SRGAP3: variants seen among roughly 807,000 people sequenced by gnomAD.
SRGAP3 encodes the protein SLIT-ROBO Rho GTPase-activating protein 3.
In SRGAP3, 39 loss-of-function variants were observed where a neutral mutation model predicts 121.1. The ratio of observed to expected loss-of-function variants is 0.32; its 90% CI spans 0.25 to 0.42. The LOEUF is 0.42. Among genes scored for constraint, SRGAP3 ranks in the 10% least tolerant of loss-of-function variants. The pLI, the probability that SRGAP3 is intolerant of heterozygous loss-of-function variation, is 1.00. For missense variants in SRGAP3, 1,213 were observed against 1,470.6 expected, an observed-to-expected ratio of 0.82 and a Z score of 2.86; for synonymous variants, 601 against 570.0, an observed-to-expected ratio of 1.05 and a Z score of -0.77.
intron 3 of SRGAP3, among the ~76,000 whole-genome samples, chr3:9,261,605 T>C (rs1178269329): frequency 6.6e-6 from 1 of 151,462 alleles, no homozygotes; most frequent in African/African-American, 2.4e-5. Context: ...ATATCAGACA[T>C]TGAAGATGAA....
rs537444251 is a variant in SRGAP3 at position 9,213,732 on chromosome 3, G to T, written c.67+35153C>A. On this transcript the variant is annotated intron_variant, in intron 1 of 21. Coordinates refer to ENST00000383836, the MANE Select transcript of SRGAP3 (RefSeq NM_014850.4). Reference sequence around the variant, plus strand: ...TAACAGGGCCCACAAGGCCCTCCATGACCATGATCTGGCCAACCTCTCCCA... The same window carrying T: ...TAACAGGGCCCACAAGGCCCTCCATTACCATGATCTGGCCAACCTCTCCCA... 9.1e-4 allele frequency among the ~76,000 whole-genome samples: 139 copies of T among 152,324 alleles called. 2 individuals carry two copies. Among genetic ancestry groups the T allele is most frequent in the Non-Finnish European group, 4.4e-5 (3 of 68,022 alleles).
rs942650159 is a variant in SRGAP3 at position 8,985,371 on chromosome 3, C to A, written c.*148G>T. ...CTGGACGTGAGCTGCAGCCAGCGCC[C>A]GGGCCTCAGCTCTGCACAGACACAC... On this transcript the variant is annotated 3_prime_UTR_variant, in exon 22 of 22. Transcript: ENST00000383836. This position sits in a 1 kb window ranked among gnomAD's most constrained non-coding sequence, Gnocchi z 5.1. The A allele has an allele frequency of 3.5e-6, 5 of 1,426,190 alleles. No individual in the cohort carries two copies. The highest frequency in any genetic ancestry group is 4.6e-6 in the Non-Finnish European group (5 of 1,091,754). 88.3% of individuals were successfully genotyped at this position (1,426,190 alleles called of 1,614,324 possible). A position where few individuals can be genotyped will look rare whatever the true frequency, so the allele number is the denominator to read the frequency against.
At chr3:9,237,638 G>A (rs1321006563) in intron 1 of SRGAP3, among the ~76,000 whole-genome samples, 1 of 152,194 alleles carries the variant, frequency 6.6e-6, no homozygotes, top group Non-Finnish European at 1.5e-5. Flanking sequence ...CAGAAAGATG[G>A]AAAATCTAAG....
At chr3:9,161,873 T>C (rs1009770066) in intron 1 of SRGAP3, among the ~76,000 whole-genome samples, 2 of 151,778 alleles carry the variant, frequency 1.3e-5, no homozygotes, top group Admixed American at 6.6e-5. Context: ...TGTCAAAACC[T>C]CAATGTAGCA....
upstream of SRGAP3, among the ~76,000 whole-genome samples, chr3:9,250,539 G>GA (rs1252955065): frequency 6.6e-6 from 1 of 152,146 alleles, no homozygotes. Context: ...AGTGCTATGG[G>GA]AAAAAATATT....
intron 1 of SRGAP3, among the ~76,000 whole-genome samples, chr3:9,139,472 T>C (rs935791814): frequency 1.3e-5 from 2 of 152,144 alleles, no homozygotes; most frequent in Admixed American, 6.5e-5. Flanking sequence ...GAGGCAGAGA[T>C]TGCAGTGATG....
chr3:9,131,454 T>C (rs2125005933), intron 1 of SRGAP3, among the ~76,000 whole-genome samples: 1 of 148,200 alleles, frequency 6.7e-6, no homozygotes, highest in African/African-American at 2.5e-5. Flanking sequence ...TTTTTTTTTT[T>C]TTGAGATGGA....
At chr3:9,042,043 A>G (rs2664101) in intron 10 of SRGAP3, among the ~76,000 whole-genome samples, 85,067 of 150,172 alleles carry the variant, frequency 0.57, 24,224 homozygotes, top group South Asian at 0.76. Flanking sequence ...GGAGGTTACA[A>G]TAAGCTGAGA....
chr3:9,165,560 G>A (rs759546438), intron 1 of SRGAP3, among the ~76,000 whole-genome samples: 8 of 152,092 alleles, frequency 5.3e-5, no homozygotes, highest in Admixed American at 3.3e-4. Flanking sequence ...TTCTGATCAC[G>A]TCACCCCTCC....
At chr3:9,203,557 T>C (rs770625541) in intron 1 of SRGAP3, among the ~76,000 whole-genome samples, 2 of 152,164 alleles carry the variant, frequency 1.3e-5, no homozygotes, top group Non-Finnish European at 2.9e-5. Flanking sequence ...GATCGAGAAC[T>C]CTTCTGTGCT....
At chr3:9,094,869 C>A (rs1176627892) in intron 3 of SRGAP3, among the ~76,000 whole-genome samples, 1 of 152,082 alleles carries the variant, frequency 6.6e-6, no homozygotes, top group South Asian at 2.1e-4. Flanking sequence ...GATCCTCCCA[C>A]CTCAGCCTCC....
chr3:8,989,137 CT>C (rs1160260733), intron 21 of SRGAP3, among the ~76,000 whole-genome samples: 2 of 152,370 alleles, frequency 1.3e-5, no homozygotes, highest in African/African-American at 4.8e-5. Context: ...GTGAGAGCTA[CT>C]TTTAGAAACA....
intron 18 of SRGAP3, among the ~76,000 whole-genome samples, chr3:9,001,201 A>G: frequency 6.6e-6 from 1 of 152,212 alleles, no homozygotes; most frequent in East Asian, 1.9e-4. Context: ...ACAATAATGT[A>G]TTGTATGTTC....
At chr3:9,103,798 T>C (rs1024691384) in intron 3 of SRGAP3, among the ~76,000 whole-genome samples, 1 of 152,238 alleles carries the variant, frequency 6.6e-6, no homozygotes, top group African/African-American at 2.4e-5. Context: ...CACAGCACCT[T>C]GTACATGCCA....
At chr3:9,015,423 A>G (rs1943589778) in intron 15 of SRGAP3, among the ~76,000 whole-genome samples, 174 bp downstream of exon 15, 1 of 152,106 alleles carries the variant, frequency 6.6e-6, no homozygotes, top group Admixed American at 6.5e-5. Flanking sequence ...CATGCCCATT[A>G]GCCCTTTCAT....
chr3:9,198,575 C>T (rs1280746970), intron 1 of SRGAP3, among the ~76,000 whole-genome samples: 1 of 152,206 alleles, frequency 6.6e-6, no homozygotes, highest in Non-Finnish European at 1.5e-5. Flanking sequence ...TTTACCTTTT[C>T]ATTTGTACAG....
intron 1 of SRGAP3, among the ~76,000 whole-genome samples, chr3:9,202,120 A>G (rs113285614): frequency 5.5e-4 from 84 of 152,304 alleles, no homozygotes; most frequent in African/African-American, 1.9e-3. Context: ...GGCTATAACA[A>G]AAGATTATGC....
At chr3:9,102,265 T>C (rs570850381) in intron 3 of SRGAP3, among the ~76,000 whole-genome samples, 5 of 152,202 alleles carry the variant, frequency 3.3e-5, no homozygotes, top group Admixed American at 6.5e-5. Flanking sequence ...CCCTGTGAAG[T>C]TGGCATTGTT....
At chr3:9,301,277 C>T (rs765835355) in intron 3 of SRGAP3, among the ~76,000 whole-genome samples, 2 of 152,232 alleles carry the variant, frequency 1.3e-5, no homozygotes, top group Non-Finnish European at 2.9e-5. Context: ...TGGCCTGAGT[C>T]ACTGAGCCCT....
Sources: allele counts gnomAD v4.1 joint callset (sites outside exome capture counted in the v4.1 genomes callset), GRCh38; gene constraint gnomAD v4.1.1; non-coding constraint Gnocchi (gnomAD v3.1); transcripts MANE v1.5; gene names NCBI Gene and HGNC (gene_info 2026-07-23, HGNC 2026-07-21).